Variants in AGAP1 observed in about 807,000 individuals in gnomAD.
AGAP1 encodes the protein ArfGAP with GTPase domain, ankyrin repeat and PH domain 1, also known as arf-GAP with GTPase, ANK repeat and PH domain-containing protein 1.
In AGAP1, 29 loss-of-function variants were observed where a neutral mutation model predicts 105.3. The ratio of observed to expected loss-of-function variants is 0.28; its 90% CI spans 0.21 to 0.38. The LOEUF (loss-of-function observed/expected upper bound fraction) is 0.38, where lower values mean the gene tolerates loss of function less well. Ranked by LOEUF, AGAP1 falls within the 10% of genes least tolerant of loss-of-function variation. The pLI is 1.00. For missense variants in AGAP1, 998 were observed against 1,165.1 expected (o/e 0.86, Z 2.09); for synonymous variants, 509 against 485.9 (o/e 1.05, Z -0.63).
rs146226360 is a variant in AGAP1, at chr2:235,994,102, C to T, written c.1645+25479C>T. Among the ~76,000 whole-genome samples, 1 of 152,178 alleles carries T rather than the reference C, an allele frequency of 6.6e-6. No homozygotes were observed. The highest frequency in any genetic ancestry group is 1.5e-5 in the Non-Finnish European group (1 of 68,038). ...GTGTGTCCCCCAGCTTCTAATTCCT[C>T]TAGAATATCATGCCCAGGTTAGGCA... is the stretch of plus-strand genomic sequence containing the variant. On this transcript the variant is annotated intron_variant, in intron 13 of 17. Transcript: ENST00000304032. This position sits in a 1 kb window ranked among gnomAD's most constrained non-coding sequence, Gnocchi z 4.4.
chr2:236,069,766 T>C (rs2058449865), intron 16 of AGAP1, among the ~76,000 whole-genome samples: 2 of 152,216 alleles, frequency 1.3e-5, no homozygotes, highest in African/African-American at 2.4e-5. Context: ...GGGGAGATAG[T>C]TATGGTATTC....
chr2:236,111,616 C>T (rs1188310673), intron 16 of AGAP1, among the ~76,000 whole-genome samples: 1 of 151,524 alleles, frequency 6.6e-6, no homozygotes, highest in African/African-American at 2.4e-5. Flanking sequence ...CATGGTGCAA[C>T]CCCGTCTCTA....
In AGAP1 at chr2:235,927,169, G is replaced by A. The variant is rs1194275769; in HGVS notation, c.1325-3596G>A. ...TGGGAAGTGGGTGTGGCTGGGGCTG[G>A]GGGGCCTTCACGAGCTATAGGGCTC... On this transcript the variant is annotated intron_variant, in intron 11 of 17. Transcript: ENST00000304032. The surrounding 1 kb of genome is among the most constrained non-coding windows in gnomAD (Gnocchi z 4.4). Among the ~76,000 whole-genome samples the A allele has an allele frequency of 6.6e-6, 1 of 152,154 alleles. No homozygotes were observed. The highest frequency in any genetic ancestry group is 1.5e-5 in the Non-Finnish European group (1 of 68,036).
chr2:235,773,734 T>G (rs142309104), intron 6 of AGAP1: 1 of 361,504 alleles, frequency 2.8e-6, no homozygotes, highest in Non-Finnish European at 5.4e-6. Flanking sequence ...TCATGTCCTC[T>G]CCTATGGAAG....
rs2060042429 is a variant in AGAP1, at chr2:236,128,731, C to G, written c.*4609C>G. On this transcript the variant is annotated 3_prime_UTR_variant, in exon 18 of 18. Transcript: ENST00000304032. This position sits in a 1 kb window ranked among gnomAD's most constrained non-coding sequence, Gnocchi z 5.9. ...CATTCCTGCCCCAGGAGGTGGGAAG[C>G]CTGGCAACGATGTAGCTTCCCCTGA... is the stretch of plus-strand genomic sequence containing the variant. 1 of 152,176 alleles carries G rather than the reference C, an allele frequency of 6.6e-6. No homozygotes were observed. The highest frequency in any genetic ancestry group is 6.5e-5 in the Admixed American group (1 of 15,274). The allele number at this position is 152,176 out of a possible 1,614,324, so 9.4% of individuals were successfully genotyped here.
At chr2:235,534,147 G>A (rs888923422) in intron 1 of AGAP1, among the ~76,000 whole-genome samples, 1 of 152,216 alleles carries the variant, frequency 6.6e-6, no homozygotes, top group Admixed American at 6.5e-5. Flanking sequence ...GAAGCAGCGT[G>A]GCGTGTTCGG....
At chr2:235,884,355 T>C (rs920758150) in intron 10 of AGAP1, among the ~76,000 whole-genome samples, 1 of 152,176 alleles carries the variant, frequency 6.6e-6, no homozygotes, top group African/African-American at 2.4e-5. Flanking sequence ...AGATTACTTA[T>C]AATATGTAAT....
rs949208802 is a variant in AGAP1, at chr2:236,109,716, C to T, written c.2115-10476C>T. ...GGAAACGTTCTGGATCCGAGCATCCCAGGGTAGCAGCTGCCAACCACATAC... is the reference window on the plus strand; with the variant it reads ...GGAAACGTTCTGGATCCGAGCATCCTAGGGTAGCAGCTGCCAACCACATAC... On this transcript the variant is annotated intron_variant, in intron 16 of 17. Coordinates refer to ENST00000304032, the MANE Select transcript of AGAP1 (RefSeq NM_001037131.3). The surrounding 1 kb of genome is among the most constrained non-coding windows in gnomAD (Gnocchi z 5.4). Among the ~76,000 whole-genome samples the T allele has an allele frequency of 2.6e-5, 4 of 152,166 alleles. No homozygotes were observed. Among genetic ancestry groups the T allele is most frequent in the Non-Finnish European group, 4.4e-5 (3 of 68,020 alleles).
At chr2:235,680,160 C>T (rs1484845798) in intron 1 of AGAP1, among the ~76,000 whole-genome samples, 2 of 152,218 alleles carry the variant, frequency 1.3e-5, no homozygotes, top group African/African-American at 4.8e-5. Context: ...GCTGACCTTC[C>T]TTGTGGGCTA....
In AGAP1 at chr2:236,044,785, ACACAT is replaced by A. The variant is rs1382842483; in HGVS notation, c.1891+3946_1891+3950del. Among the ~76,000 whole-genome samples, 2 of 151,322 alleles carry A rather than the reference ACACAT, an allele frequency of 1.3e-5. No homozygotes were observed. Among genetic ancestry groups the A allele is most frequent in the Non-Finnish European group, 2.9e-5 (2 of 67,846 alleles). On this transcript the variant is annotated intron_variant, in intron 15 of 17. Transcript: ENST00000304032. The surrounding 1 kb of genome is among the most constrained non-coding windows in gnomAD (Gnocchi z 5.7). Reference sequence around the variant, plus strand: ...TTTGAAATCACACACACACACACACACACATCCCTACTCCCTGCTGTTCTGCCCTG... The same window carrying A: ...TTTGAAATCACACACACACACACACACCCTACTCCCTGCTGTTCTGCCCTG...
rs1400229091 is a variant in AGAP1 at position 235,517,964 on chromosome 2, A to C, written c.163+23115A>C. 7.1e-6 allele frequency among the ~76,000 whole-genome samples: 1 copy of C among 141,396 alleles called. No homozygotes were observed. Among genetic ancestry groups the C allele is most frequent in the Non-Finnish European group, 1.5e-5 (1 of 65,278 alleles). 92.8% of individuals were successfully genotyped at this position (141,396 alleles called of 152,430 possible). A position where few individuals can be genotyped will look rare whatever the true frequency, so the allele number is the denominator to read the frequency against. On this transcript the variant is annotated intron_variant, in intron 1 of 17. Coordinates refer to ENST00000304032, the MANE Select transcript of AGAP1 (RefSeq NM_001037131.3). This position sits in a 1 kb window ranked among gnomAD's most constrained non-coding sequence, Gnocchi z 4.1. ...AAAAAAAAAGAAAAAAAAAAGGTAG[A>C]ACTCATAGTTGCCATTGAGGTCTGA... is the stretch of plus-strand genomic sequence containing the variant.
chr2:235,660,459 T>C lies in AGAP1; in HGVS notation c.164-48720T>C. On this transcript the variant is annotated intron_variant, in intron 1 of 17. Transcript: ENST00000304032. This position sits in a 1 kb window ranked among gnomAD's most constrained non-coding sequence, Gnocchi z 5.3. ...GAGGGTGAGAGAAGTTGTCCTTAAC[T>C]GAAGGAGGGGGTTCTATAAATGGAA... 6.6e-6 allele frequency among the ~76,000 whole-genome samples: 1 copy of C among 152,108 alleles called. No individual in the cohort carries two copies. The highest frequency in any genetic ancestry group is 1.9e-4 in the East Asian group (1 of 5,182).
chr2:235,921,831 G>A (rs908049532), intron 11 of AGAP1, among the ~76,000 whole-genome samples: 1 of 152,100 alleles, frequency 6.6e-6, no homozygotes, highest in Non-Finnish European at 1.5e-5. Flanking sequence ...ATGTGTCCTT[G>A]GAAAAAAAAT....
At position 235,642,241 on chromosome 2, in the gene AGAP1, A is replaced by C. The variant is rs1297981565; in HGVS notation, c.164-66938A>C. On this transcript the variant is annotated intron_variant, in intron 1 of 17. Transcript: ENST00000304032. The surrounding 1 kb of genome is among the most constrained non-coding windows in gnomAD (Gnocchi z 4.1). ...CATGTGCAATGGGATCTCTTTCCTGAGTGCGCATTTCTTTCCTCACATTTG... is the reference window on the plus strand; with the variant it reads ...CATGTGCAATGGGATCTCTTTCCTGCGTGCGCATTTCTTTCCTCACATTTG... Among the ~76,000 whole-genome samples, 1 of 152,042 alleles carries C rather than the reference A, an allele frequency of 6.6e-6. No homozygotes were observed. Among genetic ancestry groups the C allele is most frequent in the Non-Finnish European group, 1.5e-5 (1 of 68,012 alleles).
In AGAP1 at chr2:235,622,093, T is replaced by G. The variant is rs1946502642; in HGVS notation, c.164-87086T>G. On this transcript the variant is annotated intron_variant, in intron 1 of 17. Coordinates refer to ENST00000304032, the MANE Select transcript of AGAP1 (RefSeq NM_001037131.3). The surrounding 1 kb of genome is among the most constrained non-coding windows in gnomAD (Gnocchi z 5.0). ...ATGCCTTAATCTTTTCTTGTTGTGT[T>G]TTGAATAGGTTACATGCAGACATCC... 6.6e-6 allele frequency among the ~76,000 whole-genome samples: 1 copy of G among 152,250 alleles called. No individual in the cohort carries two copies. Among genetic ancestry groups the G allele is most frequent in the Admixed American group, 6.5e-5 (1 of 15,274 alleles).
chr2:235,800,411 G>A (rs947632227), intron 8 of AGAP1, among the ~76,000 whole-genome samples: 1 of 152,046 alleles, frequency 6.6e-6, no homozygotes, highest in Non-Finnish European at 1.5e-5. Context: ...AGCATGTGAA[G>A]TGCTTGAAAA....
intron 1 of AGAP1, among the ~76,000 whole-genome samples, chr2:235,688,412 T>TCA (rs1262169007): frequency 6.6e-6 from 1 of 152,154 alleles, no homozygotes; most frequent in African/African-American, 2.4e-5. Context: ...CTCTGGAAGG[T>TCA]CATGACGGTC....
intron 1 of AGAP1, among the ~76,000 whole-genome samples, chr2:235,542,315 C>A (rs542136156): frequency 1.3e-5 from 2 of 152,134 alleles, no homozygotes; most frequent in African/African-American, 4.8e-5. Flanking sequence ...AGGGACTTGG[C>A]CTTGGCCTTC....
Position 236,001,721 on chromosome 2 carries a change from A to G in AGAP1, c.1645+33098A>G, listed in dbSNP as rs1559179918. ...TTTTGTTTCTGTATAAGATCATACC[A>G]TGTATATTCTGGAATTTTACTTTTC... On this transcript the variant is annotated intron_variant, in intron 13 of 17. Coordinates refer to ENST00000304032, the MANE Select transcript of AGAP1 (RefSeq NM_001037131.3). This position sits in a 1 kb window ranked among gnomAD's most constrained non-coding sequence, Gnocchi z 4.7. Among the ~76,000 whole-genome samples the G allele has an allele frequency of 6.6e-6, 1 of 152,150 alleles. No individual in the cohort carries two copies. Among genetic ancestry groups the G allele is most frequent in the Non-Finnish European group, 1.5e-5 (1 of 68,026 alleles).
Sources: gnomAD v4.1 joint callset for allele counts (sites outside exome capture counted in the v4.1 genomes callset) on GRCh38, gnomAD v4.1.1 for gene constraint, Gnocchi (gnomAD v3.1) non-coding constraint, MANE v1.5 for transcripts, NCBI Gene and HGNC (gene_info 2026-07-23, HGNC 2026-07-21) for gene names.